CRTAM: variants seen among roughly 807,000 people sequenced by gnomAD.
CRTAM encodes the protein cytotoxic and regulatory T-cell molecule.
In CRTAM, 44 loss-of-function variants were observed where a neutral mutation model predicts 50.0. The ratio of observed to expected loss-of-function variants is 0.88; its 90% CI spans 0.69 to 1.13. The LOEUF (loss-of-function observed/expected upper bound fraction) is 1.13, where lower values mean the gene tolerates loss of function less well. Among genes scored for constraint, CRTAM ranks in the 50% most tolerant of loss-of-function variants. CRTAM has a pLI of 0.00. For synonymous variants in CRTAM, 159 were observed against 169.3 expected, an observed-to-expected ratio of 0.94 and a Z score of 0.47; for missense variants, 448 against 457.5, an observed-to-expected ratio of 0.98 and a Z score of 0.19.
intron 5 of CRTAM, among the ~76,000 whole-genome samples, chr11:122,856,110 G>C (rs1443939872): frequency 2.0e-5 from 3 of 152,140 alleles, no homozygotes; most frequent in Non-Finnish European, 4.4e-5. Flanking sequence ...TGTCATGCTT[G>C]CTTTTTGATA....
At chr11:122,850,045 T>A in intron 1 of CRTAM, 23 bp from the exon 2 acceptor site, 1 of 1,574,184 alleles carries the variant, frequency 6.4e-7, no homozygotes, top group South Asian at 1.2e-5. Context: ...GGCCTGATCA[T>A]CCCCATTTCT....
chr11:122,853,618 C>G (rs1288989169), intron 3 of CRTAM, among the ~76,000 whole-genome samples: 1 of 151,480 alleles, frequency 6.6e-6, no homozygotes, highest in Admixed American at 6.6e-5. Flanking sequence ...GTCTGGAGTT[C>G]GAGACCAGCT....
Position 122,867,561 on chromosome 11 carries a change from T to C in CRTAM, c.964+6T>C. 2.5e-6 allele frequency: 4 copies of C among 1,611,262 alleles called. No homozygotes were observed. Among genetic ancestry groups the C allele is most frequent in the Non-Finnish European group, 3.4e-6 (4 of 1,178,674 alleles). ...ACATGTGATATGGAAGAAAGGTCAG[T>C]GGGCAGGGAACCTGACGGGGGCTAT... On this transcript the variant is annotated splice_donor_region_variant and intron_variant, in intron 8 of 9. Coordinates refer to ENST00000227348, the MANE Select transcript of CRTAM (RefSeq NM_019604.4).
intron 5 of CRTAM, among the ~76,000 whole-genome samples, chr11:122,861,952 A>G (rs1207983879): frequency 6.6e-6 from 1 of 152,182 alleles, no homozygotes; most frequent in African/African-American, 2.4e-5. Flanking sequence ...ATATAAATGA[A>G]CTTACTAATT....
At chr11:122,866,672 A>G (rs1157754015) in intron 7 of CRTAM, among the ~76,000 whole-genome samples, 1 of 151,404 alleles carries the variant, frequency 6.6e-6, no homozygotes. Flanking sequence ...TTTCACAGTC[A>G]TAGCTCACTG....
intron 5 of CRTAM, among the ~76,000 whole-genome samples, chr11:122,857,172 T>C (rs1862017730): frequency 6.6e-6 from 1 of 152,236 alleles, no homozygotes; most frequent in Non-Finnish European, 1.5e-5. Flanking sequence ...AAAGATGTTT[T>C]TAATAATAGG....
At position 122,855,744 on chromosome 11, in the gene CRTAM, C is replaced by T; in HGVS notation, c.540C>T (p.Thr180=). The T allele has an allele frequency of 6.2e-7, 1 of 1,613,914 alleles. No homozygotes were observed. Among genetic ancestry groups the T allele is most frequent in the Non-Finnish European group, 8.5e-7 (1 of 1,179,790 alleles). The change falls in exon 5 of 10, where the codon ACC becomes ACT. Residue 180 remains threonine (T), a synonymous_variant. Transcript: ENST00000227348. ...FETDGKKCNT[T]STLIIHTYGK... ...CTGATGGGAAGAAATGTAATACTAC[C>T]AGCACTCTCATAATCCACACTTATG... is the stretch of plus-strand genomic sequence containing the variant.
intron 6 of CRTAM, among the ~76,000 whole-genome samples, chr11:122,863,322 AAAG>A (rs1565292692): frequency 0.022 from 1,267 of 57,024 alleles, 25 homozygotes; most frequent in African/African-American, 0.083. Flanking sequence ...AAAGAAAGAA[AAAG>A]AAAGAAAGAA....
At chr11:122,867,895 T>C in intron 8 of CRTAM, 118 bp from the exon 9 acceptor site, 1 of 674,088 alleles carries the variant, frequency 1.5e-6, no homozygotes, top group East Asian at 2.7e-5. Context: ...GTATGAGTTA[T>C]GGGAGGGGCA....
At chr11:122,862,364 C>A in intron 5 of CRTAM, 100 bp from the exon 6 acceptor site, 1 of 774,628 alleles carries the variant, frequency 1.3e-6, no homozygotes, top group Admixed American at 1.9e-5. Context: ...CCTCTACAAG[C>A]AGGTAGCCGC....
intron 4 of CRTAM, among the ~76,000 whole-genome samples, chr11:122,854,892 G>T (rs1861985100): frequency 6.6e-6 from 1 of 152,062 alleles, no homozygotes; most frequent in Admixed American, 6.6e-5. Context: ...TATGGTGTCT[G>T]GGTACTGTTT....
chr11:122,861,204 T>C (rs1363948457), intron 5 of CRTAM, among the ~76,000 whole-genome samples: 1 of 151,620 alleles, frequency 6.6e-6, no homozygotes, highest in Non-Finnish European at 1.5e-5. Flanking sequence ...TTACACACAA[T>C]TCAGGTATTT....
intron 5 of CRTAM, among the ~76,000 whole-genome samples, chr11:122,858,898 T>C (rs933027608): frequency 1.3e-5 from 2 of 152,164 alleles, no homozygotes; most frequent in Non-Finnish European, 2.9e-5. Flanking sequence ...TAGGATTTTT[T>C]AAATATTTGA....
At chr11:122,861,775 C>T (rs1226714581) in intron 5 of CRTAM, among the ~76,000 whole-genome samples, 2 of 151,952 alleles carry the variant, frequency 1.3e-5, no homozygotes, top group African/African-American at 2.4e-5. Context: ...AAGTGACAGG[C>T]ACAGTTATTA....
chr11:122,868,218 GTGT>G, intron 9 of CRTAM, 119 bp downstream of exon 9: 1 of 617,900 alleles, frequency 1.6e-6, no homozygotes. Context: ...GTGTGTGTGT[GTGT>G]GTGTGTGTGT....
intron 5 of CRTAM, among the ~76,000 whole-genome samples, chr11:122,861,349 T>G (rs1862071379): frequency 8.8e-5 from 2 of 22,628 alleles, no homozygotes; most frequent in Non-Finnish European, 1.5e-4. Context: ...GACGTGTCAG[T>G]ATATATATAT....
At chr11:122,854,167 T>G in intron 4 of CRTAM, 81 bp downstream of exon 4, 1 of 1,382,306 alleles carries the variant, frequency 7.2e-7, no homozygotes, top group South Asian at 1.3e-5. Context: ...CACCCTCTAG[T>G]GGCAGACAAT....
intron 5 of CRTAM, 75 bp from the exon 6 acceptor site, chr11:122,862,389 A>C: frequency 2.2e-6 from 2 of 919,806 alleles, no homozygotes; most frequent in Non-Finnish European, 3.6e-6. Flanking sequence ...TATATTCTCC[A>C]ATCTCTTTTA....
rs144151502 is a variant in CRTAM, at chr11:122,842,294, T to C, written c.46+3702T>C. 1.8e-3 allele frequency among the ~76,000 whole-genome samples: 279 copies of C among 152,272 alleles called. 1 individual carries two copies. Among genetic ancestry groups the C allele is most frequent in the African/African-American group, 6.3e-3 (260 of 41,576 alleles). ...GTTTGTTTGTTTGTTTGTTTGTTTGTTGAGATGGAATTTCATTCTTGTTGC... is the reference window on the plus strand; with the variant it reads ...GTTTGTTTGTTTGTTTGTTTGTTTGCTGAGATGGAATTTCATTCTTGTTGC... On this transcript the variant is annotated intron_variant, in intron 1 of 9. Transcript: ENST00000227348.
Sources: allele counts gnomAD v4.1 joint callset (sites outside exome capture counted in the v4.1 genomes callset), GRCh38; gene constraint gnomAD v4.1.1; transcripts MANE v1.5; gene names NCBI Gene and HGNC (gene_info 2026-07-23, HGNC 2026-07-21).